The following OBI1 variants were observed in gnomAD, a reference collection of about 807,000 sequenced individuals.
OBI1 encodes ORC ubiquitin ligase 1, also known as ring finger protein 219.
In OBI1, 59 loss-of-function variants were observed where a neutral mutation model predicts 62.4. The observed-to-expected ratio is 0.95, with a 90% CI of 0.77 to 1.17. The LOEUF (loss-of-function observed/expected upper bound fraction) is 1.17, where lower values mean the gene tolerates loss of function less well. OBI1 is among the 50% of genes most tolerant of loss of function. OBI1 has a pLI of 0.00. For synonymous variants in OBI1, 302 were observed against 292.8 expected (o/e 1.03, Z -0.32); for missense variants, 875 against 830.9 (o/e 1.05, Z -0.65).
intron 1 of OBI1, among the ~76,000 whole-genome samples, chr13:78,653,278 A>T (rs1876597489): frequency 6.6e-6 from 1 of 152,152 alleles, no homozygotes; most frequent in Admixed American, 6.5e-5. Context: ...CCTGGGCTCT[A>T]CCCACTAGAT....
chr13:78,644,770 T>G, intron 2 of OBI1, 92 bp downstream of exon 2: 1 of 1,406,118 alleles, frequency 7.1e-7, no homozygotes, highest in Non-Finnish European at 1.0e-6. Context: ...ATAGCATCAC[T>G]GAAAATAGCC....
intron 1 of OBI1, among the ~76,000 whole-genome samples, chr13:78,658,181 C>A (rs550816098): frequency 6.6e-6 from 1 of 152,206 alleles, no homozygotes; most frequent in East Asian, 1.9e-4. Flanking sequence ...AAACACACAC[C>A]CTGACACACC....
intron 2 of OBI1, 117 bp downstream of exon 2, chr13:78,644,745 T>C (rs1175387085): frequency 9.0e-7 from 1 of 1,110,730 alleles, no homozygotes; most frequent in Non-Finnish European, 1.3e-6. Context: ...AACCACTCAG[T>C]ATTATGTTGG....
Position 78,616,069 on chromosome 13 carries a change from C to CA in OBI1, c.1691dup (p.Leu564PhefsTer12). The CA allele has an allele frequency of 1.6e-5, 26 of 1,614,124 alleles. No individual in the cohort carries two copies. The highest frequency in any genetic ancestry group is 2.2e-5 in the Non-Finnish European group (26 of 1,180,024). On this transcript the variant is annotated frameshift_variant, in exon 6 of 6. Transcript: ENST00000282003. LOFTEE classifies it high-confidence loss of function. ...CTTGAGATGACTTTGATAACCCATCCAAATCCAGTGACTTAAAACCGTTAT... is the reference window on the plus strand; with the variant it reads ...CTTGAGATGACTTTGATAACCCATCCAAAATCCAGTGACTTAAAACCGTTAT...
chr13:78,645,092 G>A lies in OBI1; in HGVS notation c.73-95C>T, dbSNP rs555562356. 120 of 1,224,144 alleles carry A rather than the reference G, an allele frequency of 9.8e-5. No individual in the cohort carries two copies. In the East Asian group the frequency reaches 2.6e-3, roughly 27 times the overall value. The allele number at this position is 1,224,144 out of a possible 1,614,324, so 75.8% of individuals were successfully genotyped here. A position where few individuals can be genotyped will look rare whatever the true frequency, so the allele number is the denominator to read the frequency against. On this transcript the variant is annotated intron_variant, in intron 1 of 5. Coordinates refer to ENST00000282003, the MANE Select transcript of OBI1 (RefSeq NM_024546.4). ...CAGCAAACTGCTTCTCTAGATTATA[G>A]CAGAGTAGGAGTTTAAGAAGGGATA...
At chr13:78,653,328 A>ACATTCTC (rs950823641) in intron 1 of OBI1, among the ~76,000 whole-genome samples, 1 of 152,186 alleles carries the variant, frequency 6.6e-6, no homozygotes, top group Admixed American at 6.5e-5. Flanking sequence ...AAATGTCTCC[A>ACATTCTC]CACACTGCCC....
chr13:78,619,369 A>T (rs1875436745), intron 5 of OBI1, among the ~76,000 whole-genome samples: 1 of 151,910 alleles, frequency 6.6e-6, no homozygotes, highest in South Asian at 2.1e-4. Flanking sequence ...AAGAAGTAAC[A>T]TATGGTTTGG....
chr13:78,632,992 C>T (rs1875900028), intron 5 of OBI1, among the ~76,000 whole-genome samples: 1 of 152,182 alleles, frequency 6.6e-6, no homozygotes, highest in South Asian at 2.1e-4. Flanking sequence ...AGTTCTTTAT[C>T]CAGTTTGAGC....
chr13:78,655,676 A>T (rs1876679544), intron 1 of OBI1, among the ~76,000 whole-genome samples: 1 of 152,168 alleles, frequency 6.6e-6, no homozygotes, highest in Non-Finnish European at 1.5e-5. Flanking sequence ...GTGACCCTCC[A>T]GGGATAATGG....
chr13:78,615,247 A>G lies in OBI1; in HGVS notation c.*333T>C, dbSNP rs1368528177. On this transcript the variant is annotated 3_prime_UTR_variant, in exon 6 of 6. Coordinates refer to ENST00000282003, the MANE Select transcript of OBI1 (RefSeq NM_024546.4). ...CAGTTAAATAACATTTTTTAAAAAAACAATGTATATCCAACCGAGATACAT... is the reference window on the plus strand; with the variant it reads ...CAGTTAAATAACATTTTTTAAAAAAGCAATGTATATCCAACCGAGATACAT... The G allele has an allele frequency of 5.2e-6, 1 of 190,980 alleles. No individual in the cohort carries two copies. The highest frequency in any genetic ancestry group is 1.4e-4 in the South Asian group (1 of 7,068). 11.8% of individuals were successfully genotyped at this position (190,980 alleles called of 1,614,324 possible). A position where few individuals can be genotyped will look rare whatever the true frequency, so the allele number is the denominator to read the frequency against.
chr13:78,616,396 T>A lies in OBI1; in HGVS notation c.1365A>T (p.Lys455Asn). Residue 455 changes from lysine (K) to asparagine (N), a missense_variant, in exon 6 of 6, where the codon AAA becomes AAT. Physicochemically the swap from Lys to Asn is moderately conservative, Grantham distance 94. Coordinates refer to ENST00000282003, the MANE Select transcript of OBI1 (RefSeq NM_024546.4). ...TCTTTGGGGAAGAAAAACATTCTGA[T>A]TTCTTTTCATTTTCACTTCTACTTA... ...DDISRSENEK[K>N]SECFSSPKTG... is the part of the protein sequence containing the mutation. The A allele has an allele frequency of 1.2e-6, 2 of 1,613,008 alleles. No homozygotes were observed. Among genetic ancestry groups the A allele is most frequent in the Non-Finnish European group, 1.7e-6 (2 of 1,179,466 alleles).
intron 2 of OBI1, among the ~76,000 whole-genome samples, chr13:78,642,958 G>C (rs1876264499): frequency 6.6e-6 from 1 of 152,024 alleles, no homozygotes; most frequent in Non-Finnish European, 1.5e-5. Context: ...GATTCTAACA[G>C]GCTAGTTACA....
chr13:78,615,247 A>T lies in OBI1; in HGVS notation c.*333T>A, dbSNP rs1368528177. On this transcript the variant is annotated 3_prime_UTR_variant, in exon 6 of 6. Coordinates refer to ENST00000282003, the MANE Select transcript of OBI1 (RefSeq NM_024546.4). The stretch of plus-strand genomic sequence containing the variant: ...CAGTTAAATAACATTTTTTAAAAAA[A>T]CAATGTATATCCAACCGAGATACAT... The T allele has an allele frequency of 2.1e-5, 4 of 190,862 alleles. No homozygotes were observed. Among genetic ancestry groups the T allele is most frequent in the Non-Finnish European group, 3.2e-5 (3 of 92,870 alleles). The allele number at this position is 190,862 out of a possible 1,614,324, so 11.8% of individuals were successfully genotyped here. A position where few individuals can be genotyped will look rare whatever the true frequency, so the allele number is the denominator to read the frequency against.
At chr13:78,640,028 A>G (rs943361287) in intron 3 of OBI1, among the ~76,000 whole-genome samples, 2 of 152,132 alleles carry the variant, frequency 1.3e-5, no homozygotes, top group African/African-American at 2.4e-5. Context: ...AAAACAAAAC[A>G]AACAAACAAA....
chr13:78,616,966 T>C lies in OBI1; in HGVS notation c.795A>G (p.Glu265=). ...AQLKNSSEEK[E]AMNSICQTAL... ...CTGTCTGGCAAATGGAATTCATAGCTTCTTTCTCTTCACTTGAATTTTTTA... is the reference window on the plus strand; with the variant it reads ...CTGTCTGGCAAATGGAATTCATAGCCTCTTTCTCTTCACTTGAATTTTTTA... Residue 265 remains glutamate, a synonymous_variant, in exon 6 of 6, where the codon GAA becomes GAG. Coordinates refer to ENST00000282003, the MANE Select transcript of OBI1 (RefSeq NM_024546.4). 1 of 1,614,212 alleles carries C rather than the reference T, an allele frequency of 6.2e-7. No individual in the cohort carries two copies.
At chr13:78,638,662 A>G (rs1876100822) in intron 4 of OBI1, among the ~76,000 whole-genome samples, 161 bp downstream of exon 4, 1 of 152,240 alleles carries the variant, frequency 6.6e-6, no homozygotes, top group African/African-American at 2.4e-5. Flanking sequence ...TGATATTTAA[A>G]TAAGAAAAAG....
intron 1 of OBI1, 126 bp downstream of exon 1, chr13:78,658,923 G>T (rs375749471): frequency 6.9e-6 from 5 of 729,620 alleles, no homozygotes; most frequent in African/African-American, 3.5e-5. Flanking sequence ...TCAAGAACGC[G>T]GGTTAGCGTT....
At chr13:78,642,256 C>A (rs193000169) in intron 2 of OBI1, 43 bp from the exon 3 acceptor site, 1 of 1,211,034 alleles carries the variant, frequency 8.3e-7, no homozygotes, top group South Asian at 1.3e-5. Context: ...CATTCTGATT[C>A]GGGAAGAATG....
intron 1 of OBI1, among the ~76,000 whole-genome samples, chr13:78,649,835 G>T (rs1269381825): frequency 6.6e-6 from 1 of 152,170 alleles, no homozygotes; most frequent in African/African-American, 2.4e-5. Flanking sequence ...ACACAAAGGG[G>T]TTGGAAGATC....
Sources: allele counts gnomAD v4.1 joint callset (sites outside exome capture counted in the v4.1 genomes callset), GRCh38; gene constraint gnomAD v4.1.1; transcripts MANE v1.5; gene names NCBI Gene and HGNC (gene_info 2026-07-23, HGNC 2026-07-21).